The following SGCD variants were observed in gnomAD, a reference collection of about 807,000 sequenced individuals.
SGCD encodes delta-sarcoglycan.
A neutral mutation model predicts 36.6 loss-of-function variants in SGCD; 18 were observed. The ratio of observed to expected loss-of-function variants is 0.49; its 90% confidence interval spans 0.34 to 0.73. The LOEUF is 0.73. SGCD is among the 30% of genes least tolerant of loss of function. The pLI is 0.01. For missense variants in SGCD, 387 were observed against 346.7 expected, an observed-to-expected ratio of 1.12 and a Z score of -0.92; for synonymous variants, 133 against 130.6, an observed-to-expected ratio of 1.02 and a Z score of -0.12.
intron 1 of SGCD, among the ~76,000 whole-genome samples, chr5:155,937,541 A>G (rs1180881483): frequency 6.6e-6 from 1 of 152,244 alleles, no homozygotes; most frequent in Non-Finnish European, 1.5e-5. Flanking sequence ...GAAAGGAATG[A>G]GTGTTTTGCA....
At chr5:156,083,289 T>A (rs1477902976) in intron 1 of SGCD, among the ~76,000 whole-genome samples, 1 of 151,326 alleles carries the variant, frequency 6.6e-6, no homozygotes, top group East Asian at 1.9e-4. Flanking sequence ...AATTTATCAT[T>A]TTTTTCCTTT....
chr5:155,781,668 G>T, the SGCD span, among the ~76,000 whole-genome samples: 1 of 151,932 alleles, frequency 6.6e-6, no homozygotes, highest in Non-Finnish European at 1.5e-5. Flanking sequence ...ACGGGGTTTT[G>T]CTATGTTGCC....
chr5:156,748,532 G>A (rs1352966449), intron 7 of SGCD, among the ~76,000 whole-genome samples: 1 of 152,136 alleles, frequency 6.6e-6, no homozygotes, highest in African/African-American at 2.4e-5. Context: ...AAGGCAGAAA[G>A]CATTACAAGA....
At chr5:155,840,731 G>GC in the SGCD span, among the ~76,000 whole-genome samples, 1 of 151,550 alleles carries the variant, frequency 6.6e-6, no homozygotes, top group Admixed American at 6.6e-5. Context: ...CAAGACACAG[G>GC]CCGGGAGTGG....
chr5:156,139,579 G>T (rs566348915), intron 3 of SGCD, among the ~76,000 whole-genome samples: 9 of 152,126 alleles, frequency 5.9e-5, no homozygotes, highest in Non-Finnish European at 1.3e-4. Flanking sequence ...TGGAGCCACA[G>T]TTCTTTAATA....
chr5:156,632,299 G>A (rs965057199), intron 6 of SGCD, among the ~76,000 whole-genome samples: 1 of 152,048 alleles, frequency 6.6e-6, no homozygotes. Context: ...TGGGGGTGGG[G>A]GAGGGCCAAG....
At chr5:156,440,841 A>G (rs1456447554) in intron 3 of SGCD, among the ~76,000 whole-genome samples, 1 of 152,098 alleles carries the variant, frequency 6.6e-6, no homozygotes, top group African/African-American at 2.4e-5. Flanking sequence ...AATTCTTTAT[A>G]TATTCTAGAT....
the SGCD span, among the ~76,000 whole-genome samples, chr5:155,829,580 G>T: frequency 1.3e-5 from 2 of 152,168 alleles, no homozygotes; most frequent in Non-Finnish European, 2.9e-5. Context: ...ACATCTTCAG[G>T]CCTCGAAGGA....
chr5:156,647,904 C>T (rs919432182), intron 7 of SGCD, among the ~76,000 whole-genome samples: 3 of 152,092 alleles, frequency 2.0e-5, no homozygotes, highest in East Asian at 1.9e-4. Flanking sequence ...AAATACAATA[C>T]GATGTCTTAT....
chr5:156,380,947 G>C (rs993630819), intron 3 of SGCD, among the ~76,000 whole-genome samples: 1 of 152,206 alleles, frequency 6.6e-6, no homozygotes, highest in Non-Finnish European at 1.5e-5. Context: ...TAGCATCAGA[G>C]TTTGAGACAC....
intron 3 of SGCD, among the ~76,000 whole-genome samples, chr5:156,363,976 G>A (rs756218475): frequency 6.6e-6 from 1 of 152,128 alleles, no homozygotes; most frequent in Non-Finnish European, 1.5e-5. Flanking sequence ...TGTACCCAGG[G>A]AATGTGATTA....
chr5:155,978,829 A>G (rs866477275), intron 1 of SGCD, among the ~76,000 whole-genome samples: 2 of 145,450 alleles, frequency 1.4e-5, no homozygotes, highest in Non-Finnish European at 3.0e-5. Flanking sequence ...GAGTTATTTT[A>G]AAAAAAAAAA....
At chr5:156,114,574 T>G (rs1761865304) in intron 1 of SGCD, among the ~76,000 whole-genome samples, 2 of 152,050 alleles carry the variant, frequency 1.3e-5, no homozygotes, top group South Asian at 4.1e-4. Flanking sequence ...ATTTATTGGG[T>G]CAGAAAGGCT....
intron 4 of SGCD, among the ~76,000 whole-genome samples, chr5:156,585,235 C>A (rs911810235): frequency 6.6e-5 from 10 of 152,066 alleles, no homozygotes; most frequent in African/African-American, 2.4e-4. Context: ...CAATAGAAAT[C>A]TACCCAAGCA....
chr5:156,157,578 A>G (rs572832801), intron 3 of SGCD, among the ~76,000 whole-genome samples: 1 of 151,870 alleles, frequency 6.6e-6, no homozygotes, highest in South Asian at 2.1e-4. Context: ...AAGGGGGGAA[A>G]ATATTTTTCT....
intron 3 of SGCD, among the ~76,000 whole-genome samples, chr5:156,414,434 A>G (rs1455581009): frequency 3.9e-5 from 6 of 152,246 alleles, no homozygotes; most frequent in African/African-American, 1.2e-4. Flanking sequence ...TAAAATTATC[A>G]TAAAAGAATA....
intron 3 of SGCD, among the ~76,000 whole-genome samples, chr5:156,267,140 T>C (rs962507080): frequency 6.6e-6 from 1 of 152,182 alleles, no homozygotes; most frequent in African/African-American, 2.4e-5. Context: ...ATGTCACTTA[T>C]TCATTGTGCA....
intron 1 of SGCD, among the ~76,000 whole-genome samples, chr5:155,985,760 A>T (rs1355744453): frequency 6.6e-6 from 1 of 152,078 alleles, no homozygotes; most frequent in Non-Finnish European, 1.5e-5. Context: ...AAATAATGGC[A>T]CTCTCACTCC....
At chr5:155,972,600 T>C (rs545713767) in intron 1 of SGCD, among the ~76,000 whole-genome samples, 2 of 152,140 alleles carry the variant, frequency 1.3e-5, no homozygotes, top group Non-Finnish European at 2.9e-5. Context: ...ACTATTTCCA[T>C]AGGGAAAAAC....
Sources: gnomAD v4.1 joint callset for allele counts (sites outside exome capture counted in the v4.1 genomes callset) on GRCh38, gnomAD v4.1.1 for gene constraint, MANE v1.5 for transcripts, NCBI Gene and HGNC (gene_info 2026-07-23, HGNC 2026-07-21) for gene names.